The following HNRNPUL1 variants were observed in gnomAD, a reference collection of about 807,000 sequenced individuals.
HNRNPUL1 encodes heterogeneous nuclear ribonucleoprotein U like 1.
HNRNPUL1 carries 14 observed loss-of-function variants against 108.5 expected under a neutral mutation model. The ratio of observed to expected loss-of-function variants is 0.13; its 90% CI spans 0.09 to 0.20. The LOEUF (loss-of-function observed/expected upper bound fraction) is 0.20. Among genes scored for constraint, HNRNPUL1 ranks in the 10% least tolerant of loss-of-function variants. The pLI, the probability that HNRNPUL1 is intolerant of heterozygous loss-of-function variation, is 1.00. For synonymous variants in HNRNPUL1, 422 were observed against 445.2 expected (o/e 0.95, Z 0.66); for missense variants, 804 against 1,168.3 (o/e 0.69, Z 4.55).
At chr19:41,290,882 C>T (rs1311137150) in intron 7 of HNRNPUL1, among the ~76,000 whole-genome samples, 1 of 152,094 alleles carries the variant, frequency 6.6e-6, no homozygotes, top group Non-Finnish European at 1.5e-5. Flanking sequence ...CATGGAGAAA[C>T]CCCGTCTACT....
intron 4 of HNRNPUL1, among the ~76,000 whole-genome samples, chr19:41,274,715 G>A (rs537846717): frequency 6.6e-6 from 1 of 152,310 alleles, no homozygotes; most frequent in South Asian, 2.1e-4. Context: ...GCCCAATCAG[G>A]TCTGAGAACA....
In HNRNPUL1 at chr19:41,292,533, T is replaced by G. The variant is rs369738571; in HGVS notation, c.1266+22T>G. The G allele has an allele frequency of 6.3e-7, 1 of 1,598,466 alleles. No homozygotes were observed. The highest frequency in any genetic ancestry group is 8.6e-7 in the Non-Finnish European group (1 of 1,168,034). On this transcript the variant is annotated intron_variant, in intron 8 of 14. Coordinates refer to ENST00000392006, the MANE Select transcript of HNRNPUL1 (RefSeq NM_007040.6). This position sits in a 1 kb window ranked among gnomAD's most constrained non-coding sequence, Gnocchi z 4.1. ...TGAGGTGAGTGGGGCCAGAATGTAT[T>G]GGTGGCCACCTTGCTGCCAAGACAG...
intron 12 of HNRNPUL1, among the ~76,000 whole-genome samples, chr19:41,303,705 T>G (rs1209164002): frequency 6.6e-6 from 1 of 152,178 alleles, no homozygotes; most frequent in East Asian, 1.9e-4. Context: ...GCTATTGAGA[T>G]GCTGGGACAC....
Position 41,292,158 on chromosome 19 carries a change from T to G in HNRNPUL1, c.1000-87T>G. ...TCAATCTGGAAAGCTGTCCACATTC[T>G]ACTCCCTGCATCTACTGTCCTCACA... On this transcript the variant is annotated intron_variant, in intron 7 of 14. Transcript: ENST00000392006. The surrounding 1 kb of genome is among the most constrained non-coding windows in gnomAD (Gnocchi z 4.1). 7.3e-7 allele frequency: 1 copy of G among 1,363,956 alleles called. No homozygotes were observed. Among genetic ancestry groups the G allele is most frequent in the Non-Finnish European group, 1.0e-6 (1 of 968,632 alleles). 84.5% of individuals were successfully genotyped at this position (1,363,956 alleles called of 1,614,324 possible). A position where few individuals can be genotyped will look rare whatever the true frequency, so the allele number is the denominator to read the frequency against.
In HNRNPUL1 at chr19:41,270,593, C is replaced by CTTT. The variant is rs71177707; in HGVS notation, c.419-1471_419-1469dup. On this transcript the variant is annotated intron_variant, in intron 2 of 14. Coordinates refer to ENST00000392006, the MANE Select transcript of HNRNPUL1 (RefSeq NM_007040.6). ...CCCCATGATGCCAACTCTCCCTTCC[C>CTTT]TTTTTTTTTTTTTTTTTTTTGAGAT... Among the ~76,000 whole-genome samples the CTTT allele has an allele frequency of 4.0e-3, 481 of 118,812 alleles. 8 individuals carry two copies. Among genetic ancestry groups the CTTT allele is most frequent in the East Asian group, 7.0e-3 (27 of 3,862 alleles). 77.9% of individuals were successfully genotyped at this position (118,812 alleles called of 152,430 possible).
At chr19:41,283,247 TAAAC>T (rs2036009321) in intron 7 of HNRNPUL1, among the ~76,000 whole-genome samples, 1 of 152,338 alleles carries the variant, frequency 6.6e-6, no homozygotes, top group South Asian at 2.1e-4. Flanking sequence ...GAGAGAAATG[TAAAC>T]AAACAGTACA....
chr19:41,292,713 G>A lies in HNRNPUL1; in HGVS notation c.1266+202G>A, dbSNP rs553370885. ...TGTTGGTGTGACCTAAGTTGAAGTC[G>A]GAGAGGCTACCTAAATCTCAGAAAG... On this transcript the variant is annotated intron_variant, in intron 8 of 14. Coordinates refer to ENST00000392006, the MANE Select transcript of HNRNPUL1 (RefSeq NM_007040.6). This position sits in a 1 kb window ranked among gnomAD's most constrained non-coding sequence, Gnocchi z 4.1. Among the ~76,000 whole-genome samples, 6 of 151,894 alleles carry A rather than the reference G, an allele frequency of 4.0e-5. No homozygotes were observed. In the South Asian group the frequency reaches 8.3e-4, roughly 21 times the overall value.
chr19:41,280,139 C>T, intron 6 of HNRNPUL1, among the ~76,000 whole-genome samples: 1 of 152,162 alleles, frequency 6.6e-6, no homozygotes, highest in East Asian at 1.9e-4. Flanking sequence ...GATATTCTCA[C>T]TCACAAGTGT....
chr19:41,276,248 G>T lies in HNRNPUL1; in HGVS notation c.736G>T (p.Ala246Ser), dbSNP rs1468409615. 6.2e-7 allele frequency: 1 copy of T among 1,613,556 alleles called. No individual in the cohort carries two copies. Residue 246 changes from alanine (A) to serine (S), a missense_variant, in exon 5 of 15, where the codon GCC becomes TCC. Around this residue, in one of 4 missense-constraint regions of HNRNPUL1, gnomAD observed 174 missense variants for 296.6 expected, o/e 0.59. Transcript: ENST00000392006. ...GGGCTTTGCATACCTGTGGTCAGGA[G>T]CCCGTGCCAGCTATGGGGTCAGAAG... ...IEGFAYLWSGARASYGVRRGR... is the reference protein window; with the variant it reads ...IEGFAYLWSGSRASYGVRRGR...
chr19:41,272,452 T>C, intron 3 of HNRNPUL1: 1 of 498,716 alleles, frequency 2.0e-6, no homozygotes, highest in Non-Finnish European at 3.6e-6. Flanking sequence ...GCAGGGTAAC[T>C]TCTAAATATC....
At position 41,306,789 on chromosome 19, in the gene HNRNPUL1, C is replaced by A; in HGVS notation, c.*224C>A. 1 of 382,858 alleles carries A rather than the reference C, an allele frequency of 2.6e-6. No individual in the cohort carries two copies. The highest frequency in any genetic ancestry group is 4.7e-6 in the Non-Finnish European group (1 of 213,884). The allele number at this position is 382,858 out of a possible 1,614,324, so 23.7% of individuals were successfully genotyped here. Reference sequence around the variant, plus strand: ...ACAGGCAACAATGACCTTTTATTTTCTGTTTGTCCCCACCTCCCCAGCCTT... The same window carrying A: ...ACAGGCAACAATGACCTTTTATTTTATGTTTGTCCCCACCTCCCCAGCCTT... On this transcript the variant is annotated 3_prime_UTR_variant, in exon 15 of 15. Transcript: ENST00000392006.
chr19:41,278,073 GT>G (rs2035680372), intron 5 of HNRNPUL1, among the ~76,000 whole-genome samples: 1 of 150,074 alleles, frequency 6.7e-6, no homozygotes, highest in African/African-American at 2.5e-5. Flanking sequence ...TGTTTGTTTT[GT>G]TTTGTTGACG....
At chr19:41,286,511 A>G (rs1210142093) in intron 7 of HNRNPUL1, 1 of 151,126 alleles carries the variant, frequency 6.6e-6, no homozygotes, top group Non-Finnish European at 1.5e-5. Flanking sequence ...TTTGTTTCCT[A>G]CCTTGGCTAG....
chr19:41,282,181 A>G (rs1266813421), intron 7 of HNRNPUL1, among the ~76,000 whole-genome samples: 2 of 151,382 alleles, frequency 1.3e-5, no homozygotes, highest in African/African-American at 2.4e-5. Flanking sequence ...CTTCTTTTTT[A>G]TTTATTTATT....
Position 41,292,202 on chromosome 19 carries a change from T to C in HNRNPUL1, c.1000-43T>C, listed in dbSNP as rs764242027. 9.4e-6 allele frequency: 15 copies of C among 1,602,374 alleles called. No individual in the cohort carries two copies. Among genetic ancestry groups the C allele is most frequent in the African/African-American group, 1.3e-5 (1 of 74,656 alleles). ...CCTCACATTTGACTCCCAGTGCCTA[T>C]GGCAAGAGTTGGCAATCATATTCCT... On this transcript the variant is annotated intron_variant, in intron 7 of 14. Transcript: ENST00000392006. This position sits in a 1 kb window ranked among gnomAD's most constrained non-coding sequence, Gnocchi z 4.1.
chr19:41,266,799 C>T (rs533265176), intron 1 of HNRNPUL1, among the ~76,000 whole-genome samples: 12 of 152,218 alleles, frequency 7.9e-5, no homozygotes, highest in East Asian at 3.9e-4. Flanking sequence ...GAGAATTTCC[C>T]GGAGGGAGGA....
intron 13 of HNRNPUL1, among the ~76,000 whole-genome samples, chr19:41,304,496 T>C (rs2037430693): frequency 6.6e-6 from 1 of 152,116 alleles, no homozygotes; most frequent in Non-Finnish European, 1.5e-5. Context: ...CAGAACCTGC[T>C]CTTCTCCCAC....
chr19:41,281,537 C>T (rs2035899560), intron 7 of HNRNPUL1, among the ~76,000 whole-genome samples: 1 of 151,994 alleles, frequency 6.6e-6, no homozygotes, highest in Admixed American at 6.6e-5. Context: ...TTCCTCCGTT[C>T]CTAGGTACCA....
chr19:41,285,951 T>C (rs776860743), intron 7 of HNRNPUL1, among the ~76,000 whole-genome samples: 1 of 152,160 alleles, frequency 6.6e-6, no homozygotes, highest in Admixed American at 6.5e-5. Flanking sequence ...GGTGGATCAC[T>C]TGAGCCCAGA....
Sources: gnomAD v4.1 joint callset for allele counts (sites outside exome capture counted in the v4.1 genomes callset) on GRCh38, gnomAD v4.1.1 for gene constraint, gnomAD v4.1.1 regional missense constraint, Gnocchi (gnomAD v3.1) non-coding constraint, MANE v1.5 for transcripts, NCBI Gene and HGNC (gene_info 2026-07-23, HGNC 2026-07-21) for gene names.